RNF213: variants seen among roughly 807,000 people sequenced by gnomAD.
The protein encoded by RNF213 is E3 ubiquitin-protein ligase RNF213.
A neutral mutation model predicts 514.4 loss-of-function variants in RNF213; 341 were observed. The ratio of observed to expected loss-of-function variants is 0.66; its 90% CI spans 0.61 to 0.73. The LOEUF is 0.73. Among genes scored for constraint, RNF213 ranks in the 30% least tolerant of loss-of-function variants. RNF213 has a pLI of 0.00. For missense variants in RNF213, 5,767 were observed against 6,615.6 expected, an observed-to-expected ratio of 0.87 and a Z score of 4.45; for synonymous variants, 2,655 against 2,658.2, an observed-to-expected ratio of 1.00 and a Z score of 0.04.
In RNF213 at chr17:80,264,807, G is replaced by T. The variant is rs2145079816; in HGVS notation, c.97+1029G>T. ...TACGGTGGCCACGAGGTCCTACATA[G>T]ACGGCTGCCCACCCCATTCCTCTTG... On this transcript the variant is annotated intron_variant, in intron 2 of 67. Coordinates refer to ENST00000582970, the MANE Select transcript of RNF213 (RefSeq NM_001256071.3). This position sits in a 1 kb window ranked among gnomAD's most constrained non-coding sequence, Gnocchi z 5.0. 6.6e-6 allele frequency among the ~76,000 whole-genome samples: 1 copy of T among 152,172 alleles called. No individual in the cohort carries two copies. Among genetic ancestry groups the T allele is most frequent in the African/African-American group, 2.4e-5 (1 of 41,542 alleles).
rs757139775 is a variant in RNF213, at chr17:80,351,812, A to G, written c.10303+9A>G. On this transcript the variant is annotated intron_variant, in intron 32 of 67. Transcript: ENST00000582970. ...TGTGGGCTTCCACGGAGGTGAGATC[A>G]GAACATCAGTCAGGGTATTTATTTA... is the stretch of plus-strand genomic sequence containing the variant. The G allele has an allele frequency of 7.6e-7, 1 of 1,309,364 alleles. No individual in the cohort carries two copies. The highest frequency in any genetic ancestry group is 1.1e-6 in the Non-Finnish European group (1 of 901,882). The allele number at this position is 1,309,364 out of a possible 1,614,324, so 81.1% of individuals were successfully genotyped here.
At chr17:80,388,870 C>T (rs897777918) in intron 64 of RNF213, 181 bp downstream of exon 64, 48 of 660,136 alleles carry the variant, frequency 7.3e-5, no homozygotes, top group Non-Finnish European at 8.5e-5. Flanking sequence ...AGAGTAAAAG[C>T]AGATTGACAT....
Position 80,379,671 on chromosome 17 carries a change from G to A in RNF213, c.13597G>A (p.Gly4533Arg). 6.2e-7 allele frequency: 1 copy of A among 1,614,220 alleles called. No individual in the cohort carries two copies. The highest frequency in any genetic ancestry group is 8.5e-7 in the Non-Finnish European group (1 of 1,180,040). ...SICIDCHAPI[G>R]GIDHKPRDGF... is the part of the protein sequence containing the mutation. ...CTGCATTGACTGCCATGCGCCGATT[G>A]GAGGCATTGACCACAAACCTCGGGA... The change falls in exon 55 of 68, where the codon GGA becomes AGA. Residue 4533 changes from glycine (G) to arginine (R), a missense_variant. Coordinates refer to ENST00000582970, the MANE Select transcript of RNF213 (RefSeq NM_001256071.3).
At chr17:80,361,585 C>T in intron 38 of RNF213, 149 bp from the exon 39 acceptor site, 1 of 802,888 alleles carries the variant, frequency 1.2e-6, no homozygotes, top group Non-Finnish European at 2.1e-6. Flanking sequence ...CTTCAATTCC[C>T]TACAAAATCA....
chr17:80,304,407 A>G (rs11150855), intron 11 of RNF213, among the ~76,000 whole-genome samples: 73,939 of 151,910 alleles, frequency 0.49, 20,241 homozygotes, highest in African/African-American at 0.76. Context: ...TTGGGAGGCC[A>G]AGGCAGGTGG....
At chr17:80,273,165 G>T in intron 2 of RNF213, 76 bp from the exon 3 acceptor site, 1 of 1,576,606 alleles carries the variant, frequency 6.3e-7, no homozygotes, top group Non-Finnish European at 8.7e-7. Flanking sequence ...ATGCACTCGT[G>T]GGGAGGATTT....
At position 80,346,970 on chromosome 17, in the gene RNF213, G is replaced by A. The variant is rs1380284336; in HGVS notation, c.8635G>A (p.Val2879Ile). The A allele has an allele frequency of 1.4e-5, 22 of 1,613,690 alleles. No individual in the cohort carries two copies. The highest frequency in any genetic ancestry group is 2.2e-5 in the East Asian group (1 of 44,884). Residue 2879 changes from valine to isoleucine, a missense_variant, in exon 29 of 68, where the codon GTC becomes ATC. Physicochemically the swap from Val to Ile is conservative, Grantham distance 29. Coordinates refer to ENST00000582970, the MANE Select transcript of RNF213 (RefSeq NM_001256071.3). The surrounding 1 kb of genome is among the most constrained non-coding windows in gnomAD (Gnocchi z 8.1). ...AGACGATCCCGCCCCCCACAAAAAG[G>A]TCGGCTTCGTGGGCATCTCCAACTG... The part of the protein sequence containing the change: ...IEDDPAPHKK[V>I]GFVGISNWAL...
intron 46 of RNF213, 30 bp downstream of exon 46, chr17:80,369,897 A>T (rs1377335974): frequency 2.0e-6 from 3 of 1,475,316 alleles, no homozygotes; most frequent in East Asian, 4.5e-5. Context: ...TTGCTTCTGG[A>T]AAGCCCTGGC....
intron 8 of RNF213, 168 bp downstream of exon 8, chr17:80,291,995 G>A (rs1267026471): frequency 4.1e-6 from 3 of 731,656 alleles, no homozygotes; most frequent in Non-Finnish European, 7.2e-6. Context: ...ACTGACTCTG[G>A]GTTGTGTCTC....
intron 65 of RNF213, 98 bp downstream of exon 65, chr17:80,389,465 G>A (rs1270530500): frequency 6.5e-6 from 7 of 1,078,658 alleles, no homozygotes; most frequent in Middle Eastern, 2.1e-4. Flanking sequence ...CACTCTAGGC[G>A]CTCCTGAAAA....
At chr17:80,265,998 GA>G (rs771929756) in intron 2 of RNF213, among the ~76,000 whole-genome samples, 2 of 152,204 alleles carry the variant, frequency 1.3e-5, no homozygotes, top group Non-Finnish European at 1.5e-5. Flanking sequence ...GGCCAGGCTG[GA>G]GACATTGAGT....
chr17:80,388,970 C>A, intron 64 of RNF213: 2 of 627,800 alleles, frequency 3.2e-6, no homozygotes, highest in South Asian at 3.7e-5. Context: ...TCCTGCTCTC[C>A]GCATGCGGGT....
chr17:80,332,658 G>A, intron 21 of RNF213, 27 bp downstream of exon 21: 1 of 1,458,968 alleles, frequency 6.9e-7, no homozygotes, highest in Non-Finnish European at 9.0e-7. Context: ...GGACTGTGGG[G>A]GTTTGGAGGG....
At chr17:80,354,706 A>G (rs2078665970) in intron 36 of RNF213, 130 bp downstream of exon 36, 16 of 1,219,818 alleles carry the variant, frequency 1.3e-5, no homozygotes, top group Admixed American at 2.0e-5. Context: ...CAGCCATTCA[A>G]AGCTGTAAAG....
At chr17:80,351,844 T>C in intron 32 of RNF213, 41 bp downstream of exon 32, 20 of 1,089,544 alleles carry the variant, frequency 1.8e-5, no homozygotes, top group Non-Finnish European at 2.8e-5. Context: ...TTTATGTATT[T>C]ATTTATTTAT....
rs2078914418 is a variant in RNF213 at position 80,358,437 on chromosome 17, A to G, written c.11012A>G (p.Asp3671Gly). 1 of 1,614,198 alleles carries G rather than the reference A, an allele frequency of 6.2e-7. No individual in the cohort carries two copies. Among genetic ancestry groups the G allele is most frequent in the South Asian group, 1.1e-5 (1 of 91,082 alleles). Reference protein sequence around the residue: ...ARDLWMFIFSDTMLLNIPLVM... With the variant: ...ARDLWMFIFSGTMLLNIPLVM... ...GATCTTTGGATGTTTATTTTCAGTG[A>G]CACGATGCTTCTGAACATTCCTCTT... Residue 3671 changes from aspartate (D) to glycine (G), a missense_variant, in exon 37 of 68, where the codon GAC becomes GGC. Physicochemically the swap from Asp to Gly is moderately conservative, Grantham distance 94. Around this residue, in one of 13 missense-constraint regions of RNF213, gnomAD observed 919 missense variants for 1,121.0 expected, o/e 0.82. Transcript: ENST00000582970.
rs1555656942 is a variant in RNF213 at position 80,323,834 on chromosome 17, T to TGGC, written c.3025-1194_3025-1193insCGG. The stretch of plus-strand genomic sequence containing the variant: ...TGTTAAATTTCTAAGTACTTTTTTT[T>TGGC]GGGGGGGGGTGCTATTGTAATTGGA... On this transcript the variant is annotated intron_variant, in intron 17 of 67. Transcript: ENST00000582970. Among the ~76,000 whole-genome samples, 184 of 134,224 alleles carry TGGC rather than the reference T, an allele frequency of 1.4e-3. 1 individual carries two copies. The highest frequency in any genetic ancestry group is 2.5e-3 in the Admixed American group (35 of 13,866). The allele number at this position is 134,224 out of a possible 152,430, so 88.1% of individuals were successfully genotyped here. A position where few individuals can be genotyped will look rare whatever the true frequency, so the allele number is the denominator to read the frequency against.
In RNF213 at chr17:80,353,375, C is replaced by T. The variant is rs2078603532; in HGVS notation, c.10424-137C>T. 3.9e-6 allele frequency: 4 copies of T among 1,016,276 alleles called. No individual in the cohort carries two copies. Among genetic ancestry groups the T allele is most frequent in the Non-Finnish European group, 6.0e-6 (4 of 668,858 alleles). 63.0% of individuals were successfully genotyped at this position (1,016,276 alleles called of 1,614,324 possible). On this transcript the variant is annotated intron_variant, in intron 33 of 67. Coordinates refer to ENST00000582970, the MANE Select transcript of RNF213 (RefSeq NM_001256071.3). This position sits in a 1 kb window ranked among gnomAD's most constrained non-coding sequence, Gnocchi z 5.0. ...GATCTTCATGACCGTGATCTCTCAT[C>T]TGGGGACCTAGCACCACAGCAGGGG...
At chr17:80,318,458 TG>T (rs1326440083) in intron 16 of RNF213, among the ~76,000 whole-genome samples, 18 of 152,234 alleles carry the variant, frequency 1.2e-4, no homozygotes, top group Non-Finnish European at 2.5e-4. Flanking sequence ...AGTGGCCTGT[TG>T]GTGACAGGAA....
Sources: gnomAD v4.1 joint callset for allele counts (sites outside exome capture counted in the v4.1 genomes callset) on GRCh38, gnomAD v4.1.1 for gene constraint, gnomAD v4.1.1 regional missense constraint, Gnocchi (gnomAD v3.1) non-coding constraint, MANE v1.5 for transcripts, NCBI Gene and HGNC (gene_info 2026-07-23, HGNC 2026-07-21) for gene names.